The following CAMK2G variants were observed in gnomAD, a reference collection of about 807,000 sequenced individuals.
CAMK2G encodes the protein calcium/calmodulin-dependent protein kinase type II subunit gamma.
Under a neutral mutation model 88.7 loss-of-function variants are expected in CAMK2G, and 23 were observed. That is an observed-to-expected ratio of 0.26 (90% CI 0.19 to 0.37). CAMK2G has a LOEUF of 0.37. Among genes scored for constraint, CAMK2G ranks in the 10% least tolerant of loss-of-function variants. The pLI, the probability that CAMK2G is intolerant of heterozygous loss-of-function variation, is 1.00. For missense variants in CAMK2G, 476 were observed against 780.8 expected, an observed-to-expected ratio of 0.61 and a Z score of 4.65; for synonymous variants, 263 against 294.8, an observed-to-expected ratio of 0.89 and a Z score of 1.11.
intron 21 of CAMK2G, chr10:73,816,663 G>C (rs975281579): frequency 1.3e-5 from 11 of 842,676 alleles, no homozygotes; most frequent in South Asian, 6.2e-5. Flanking sequence ...GTTTCACCGT[G>C]TTAGCCAGGA....
chr10:73,829,429 G>C (rs982457346), intron 14 of CAMK2G, among the ~76,000 whole-genome samples: 1 of 151,758 alleles, frequency 6.6e-6, no homozygotes, highest in Non-Finnish European at 1.5e-5. Flanking sequence ...TGAGTGGCTG[G>C]GATTACAGGC....
Position 73,848,722 on chromosome 10 carries a change from C to A in CAMK2G, c.518-113G>T. 1 of 687,686 alleles carries A rather than the reference C, an allele frequency of 1.5e-6. No homozygotes were observed. The highest frequency in any genetic ancestry group is 2.6e-6 in the Non-Finnish European group (1 of 391,512). 42.6% of individuals were successfully genotyped at this position (687,686 alleles called of 1,614,324 possible). A position where few individuals can be genotyped will look rare whatever the true frequency, so the allele number is the denominator to read the frequency against. On this transcript the variant is annotated intron_variant, in intron 7 of 22. Coordinates refer to ENST00000423381, the MANE Select transcript of CAMK2G (RefSeq NM_001367534.1). The surrounding 1 kb of genome is among the most constrained non-coding windows in gnomAD (Gnocchi z 4.5). ...ATTCCTGCTGCTTTTGCTACATAAA[C>A]TCTCAGCACATGGGCAGCAAGAGCT... is the stretch of plus-strand genomic sequence containing the variant.
rs1214323225 is a variant in CAMK2G at position 73,821,784 on chromosome 10, G to T, written c.1201-54C>A. The T allele has an allele frequency of 4.2e-6, 6 of 1,426,666 alleles. No individual in the cohort carries two copies. The African/African-American group carries it at 8.4e-5, about 20-fold the overall frequency. 88.4% of individuals were successfully genotyped at this position (1,426,666 alleles called of 1,614,324 possible). ...ATGCTCCATCCCTTGGAAGCCAGAGGAGCAAAGCAGAACAAAAGCAGAGTT... is the reference window on the plus strand; with the variant it reads ...ATGCTCCATCCCTTGGAAGCCAGAGTAGCAAAGCAGAACAAAAGCAGAGTT... On this transcript the variant is annotated intron_variant, in intron 17 of 22. Transcript: ENST00000423381.
intron 14 of CAMK2G, among the ~76,000 whole-genome samples, chr10:73,834,607 TTTC>T (rs1399865222): frequency 6.6e-6 from 1 of 152,208 alleles, no homozygotes; most frequent in Non-Finnish European, 1.5e-5. Flanking sequence ...GTTCCAGCCC[TTTC>T]TTAACACATA....
chr10:73,816,262 G>A, intron 21 of CAMK2G: 1 of 989,672 alleles, frequency 1.0e-6, no homozygotes, highest in Non-Finnish European at 1.2e-6. Flanking sequence ...TTCCTCCATA[G>A]TCAGGAAGAT....
chr10:73,859,930 C>T (rs560428933), intron 3 of CAMK2G, among the ~76,000 whole-genome samples: 2 of 152,288 alleles, frequency 1.3e-5, no homozygotes, highest in East Asian at 1.9e-4. Flanking sequence ...GCAGAGCAGG[C>T]GACCTCTGGG....
At chr10:73,854,435 C>G (rs924627364) in intron 3 of CAMK2G, among the ~76,000 whole-genome samples, 2 of 152,242 alleles carry the variant, frequency 1.3e-5, no homozygotes, top group African/African-American at 2.4e-5. Flanking sequence ...AGAAACGACT[C>G]CGCTTTGGCT....
intron 2 of CAMK2G, among the ~76,000 whole-genome samples, chr10:73,872,723 C>A (rs2095876171): frequency 2.0e-5 from 3 of 152,226 alleles, no homozygotes. Context: ...ATATCCTCCA[C>A]CTCCCTGAAG....
intron 19 of CAMK2G, among the ~76,000 whole-genome samples, chr10:73,819,056 T>C (rs997741315): frequency 1.1e-4 from 16 of 152,146 alleles, no homozygotes; most frequent in Admixed American, 7.2e-4. Context: ...CTTCACACTC[T>C]TGAAGGCAGT....
At chr10:73,868,834 C>A (rs568079450) in intron 2 of CAMK2G, among the ~76,000 whole-genome samples, 3 of 152,316 alleles carry the variant, frequency 2.0e-5, no homozygotes, top group Non-Finnish European at 4.4e-5. Context: ...CCAGGGGATC[C>A]CATTTCAGTC....
chr10:73,820,482 ATATATATATAT>A (rs1280388916), intron 18 of CAMK2G, among the ~76,000 whole-genome samples: 4 of 33,250 alleles, frequency 1.2e-4, no homozygotes, highest in Admixed American at 7.3e-4. Flanking sequence ...ATATATATAT[ATATATATATAT>A]TTTTTTTTTT....
intron 19 of CAMK2G, chr10:73,817,799 C>T (rs1565157238): frequency 1.8e-6 from 1 of 541,490 alleles, no homozygotes; most frequent in East Asian, 2.9e-5. Flanking sequence ...TTGGCCTTTG[C>T]CTCCCTTTCC....
intron 21 of CAMK2G, chr10:73,816,386 A>T (rs1323751455): frequency 9.8e-7 from 1 of 1,017,216 alleles, no homozygotes. Context: ...CTTAGTTCTT[A>T]TGTGCTGAGA....
Position 73,839,333 on chromosome 10 carries a change from C to A in CAMK2G, c.1009+206G>T, listed in dbSNP as rs1377035966. ...CAGGCTACTGCCCCCTGAAAGTTGG[C>A]AAGCGCCCAGCATGCATGGCTGGTT... On this transcript the variant is annotated intron_variant, in intron 13 of 22. Coordinates refer to ENST00000423381, the MANE Select transcript of CAMK2G (RefSeq NM_001367534.1). This position sits in a 1 kb window ranked among gnomAD's most constrained non-coding sequence, Gnocchi z 4.2. 6.6e-6 allele frequency among the ~76,000 whole-genome samples: 1 copy of A among 152,236 alleles called. No individual in the cohort carries two copies. The highest frequency in any genetic ancestry group is 1.9e-4 in the East Asian group (1 of 5,198).
At chr10:73,829,144 T>C (rs370410414) in intron 14 of CAMK2G, among the ~76,000 whole-genome samples, 7 of 152,352 alleles carry the variant, frequency 4.6e-5, no homozygotes, top group African/African-American at 1.7e-4. Context: ...AGAAGGCATT[T>C]TCAGGGATTA....
chr10:73,858,948 G>A (rs1008430051), intron 3 of CAMK2G, among the ~76,000 whole-genome samples: 69 of 152,316 alleles, frequency 4.5e-4, no homozygotes, highest in Admixed American at 2.0e-4. Context: ...CCCGCATCGC[G>A]GGTGATGTGG....
chr10:73,857,039 GC>G (rs534911306), intron 3 of CAMK2G, among the ~76,000 whole-genome samples: 1 of 152,200 alleles, frequency 6.6e-6, no homozygotes, highest in Non-Finnish European at 1.5e-5. Flanking sequence ...GGACTGAGCT[GC>G]CCCCCAAGAG....
At chr10:73,852,146 C>T in intron 5 of CAMK2G, 108 bp downstream of exon 5, 2 of 814,352 alleles carry the variant, frequency 2.5e-6, no homozygotes, top group South Asian at 2.9e-5. Flanking sequence ...TTCTGATCTT[C>T]CCCAAAGACT....
At chr10:73,820,488 ATATAT>A (rs1465665678) in intron 18 of CAMK2G, among the ~76,000 whole-genome samples, 21 of 46,544 alleles carry the variant, frequency 4.5e-4, no homozygotes, top group East Asian at 3.9e-3. Flanking sequence ...ATATATATAT[ATATAT>A]TTTTTTTTTT....
Sources: gnomAD v4.1 joint callset for allele counts (sites outside exome capture counted in the v4.1 genomes callset) on GRCh38, gnomAD v4.1.1 for gene constraint, Gnocchi (gnomAD v3.1) non-coding constraint, MANE v1.5 for transcripts, NCBI Gene and HGNC (gene_info 2026-07-23, HGNC 2026-07-21) for gene names.